The following PCDHA8 variants were observed in gnomAD, a reference collection of about 807,000 sequenced individuals.
PCDHA8 encodes the protein protocadherin alpha 8.
A neutral mutation model predicts 61.8 loss-of-function variants in PCDHA8; 53 were observed. The ratio of observed to expected loss-of-function variants is 0.86; its 90% CI spans 0.69 to 1.08. The LOEUF (loss-of-function observed/expected upper bound fraction) is 1.08, where lower values mean the gene tolerates loss of function less well. Among genes scored for constraint, PCDHA8 ranks in the 50% least tolerant of loss-of-function variants. The pLI is 0.00. For missense variants in PCDHA8, 1,293 were observed against 1,245.0 expected, an observed-to-expected ratio of 1.04 and a Z score of -0.58; for synonymous variants, 618 against 556.6, an observed-to-expected ratio of 1.11 and a Z score of -1.55.
intron 1 of PCDHA8, among the ~76,000 whole-genome samples, chr5:140,913,644 A>T (rs889499847): frequency 3.9e-5 from 6 of 151,920 alleles, no homozygotes; most frequent in Non-Finnish European, 8.8e-5. Flanking sequence ...CTGCTTTTCT[A>T]GTTCTTTAAG....
intron 1 of PCDHA8, among the ~76,000 whole-genome samples, chr5:140,934,420 C>T (rs559621314): frequency 1.1e-4 from 16 of 152,184 alleles, no homozygotes; most frequent in Non-Finnish European, 1.8e-4. Flanking sequence ...TTTGCATTAT[C>T]AATGCAAGTG....
intron 1 of PCDHA8, chr5:140,881,225 T>C (rs1026658425): frequency 9.3e-5 from 25 of 267,532 alleles, no homozygotes; most frequent in Non-Finnish European, 1.4e-4. Context: ...TCTTGGAAAA[T>C]TAAAGTCAAT....
At chr5:141,006,372 C>T (rs781874533) in intron 3 of PCDHA8, among the ~76,000 whole-genome samples, 10 of 151,926 alleles carry the variant, frequency 6.6e-5, no homozygotes, top group Non-Finnish European at 1.0e-4. Context: ...CCACCACGCC[C>T]GGCTAAGTTT....
At chr5:140,998,008 T>C (rs1447849810) in intron 3 of PCDHA8, among the ~76,000 whole-genome samples, 6 of 152,128 alleles carry the variant, frequency 3.9e-5, no homozygotes, top group East Asian at 1.9e-4. Flanking sequence ...GAGCCTTCCA[T>C]CCCCACCTCG....
At chr5:140,968,673 A>G in intron 1 of PCDHA8, 2 of 1,614,168 alleles carry the variant, frequency 1.2e-6, no homozygotes, top group Non-Finnish European at 1.7e-6. Context: ...TTTAAGGTAG[A>G]GCTGCACACA....
chr5:140,875,335 C>T (rs1380813312), intron 1 of PCDHA8: 3 of 1,438,650 alleles, frequency 2.1e-6, no homozygotes, highest in African/African-American at 2.9e-5. Context: ...GGAATAGGAT[C>T]GACTCCATAA....
chr5:140,914,426 A>G (rs1554196349), intron 1 of PCDHA8, among the ~76,000 whole-genome samples: 1 of 152,140 alleles, frequency 6.6e-6, no homozygotes, highest in African/African-American at 2.4e-5. Context: ...TTAGCAAGGA[A>G]TATCTTTTCC....
intron 1 of PCDHA8, chr5:140,882,570 A>G (rs1562776435): frequency 6.2e-7 from 1 of 1,614,240 alleles, no homozygotes. Flanking sequence ...CGGAGCGCGG[A>G]GTGCAGCATC....
chr5:140,891,635 G>A (rs1266162781), intron 1 of PCDHA8, among the ~76,000 whole-genome samples: 3 of 151,868 alleles, frequency 2.0e-5, no homozygotes, highest in African/African-American at 7.3e-5. Context: ...TTTGCTCTTT[G>A]GGCTTTATTG....
chr5:140,845,146 T>C (rs1001510444), intron 1 of PCDHA8, among the ~76,000 whole-genome samples: 2 of 149,652 alleles, frequency 1.3e-5, no homozygotes, highest in African/African-American at 4.9e-5. Context: ...TTTGAACACA[T>C]TGTGTAAAAG....
In PCDHA8 at chr5:140,842,787, T is replaced by G. The variant is rs1554139371; in HGVS notation, c.1466T>G (p.Leu489Arg). ...GACGCGGACGCGCAGGAGAACGCGC[T>G]GGTGTCCTACTCGCTTGTGGAGCGG... ...ARDADAQENALVSYSLVERRV... is the reference protein window; with the variant it reads ...ARDADAQENARVSYSLVERRV... The change falls in exon 1 of 4, where the codon CTG becomes CGG. Residue 489 changes from leucine to arginine, a missense_variant. By Grantham distance (102) the Leu-to-Arg change is moderately radical. Transcript: ENST00000531613. 6.3e-7 allele frequency: 1 copy of G among 1,594,358 alleles called. No homozygotes were observed. The highest frequency in any genetic ancestry group is 1.3e-5 in the African/African-American group (1 of 74,294).
chr5:140,929,285 T>C, intron 1 of PCDHA8: 15 of 1,600,688 alleles, frequency 9.4e-6, no homozygotes, highest in Non-Finnish European at 1.3e-5. Flanking sequence ...TGTATTCAGA[T>C]TCGGAATAGG....
chr5:140,864,404 G>A (rs2048464520), intron 1 of PCDHA8: 1 of 152,228 alleles, frequency 6.6e-6, no homozygotes. Flanking sequence ...GTGATGAGCA[G>A]GGTTGAGGCA....
chr5:140,904,177 AC>A (rs1185990725), intron 1 of PCDHA8, among the ~76,000 whole-genome samples: 1 of 151,302 alleles, frequency 6.6e-6, no homozygotes, highest in Non-Finnish European at 1.5e-5. Flanking sequence ...TTTATTCCTC[AC>A]CCCCTTCCCA....
chr5:140,927,582 G>A lies in PCDHA8; in HGVS notation c.2395-51367G>A, dbSNP rs1554204771. On this transcript the variant is annotated intron_variant, in intron 1 of 3. Transcript: ENST00000531613. ...TTGTGGTGGACACAAATGACAACGCGCCTGTATTTGAGCGCTCCGTATACC... is the reference window on the plus strand; with the variant it reads ...TTGTGGTGGACACAAATGACAACGCACCTGTATTTGAGCGCTCCGTATACC... 3.7e-6 allele frequency: 6 copies of A among 1,614,174 alleles called. No individual in the cohort carries two copies. In the East Asian group the frequency reaches 1.1e-4, roughly 30 times the overall value.
rs1340141507 is a variant in PCDHA8, at chr5:140,939,833, CTTG to C, written c.2395-39108_2395-39106del. 2.6e-5 allele frequency among the ~76,000 whole-genome samples: 4 copies of C among 152,224 alleles called. No individual in the cohort carries two copies. The East Asian group carries it at 7.7e-4, about 29-fold the overall frequency. ...AAGAAAAAGCAGTATTCTGACATTG[CTTG>C]TTGTTGTGTTCTGTATATGTCCATT... On this transcript the variant is annotated intron_variant, in intron 1 of 3. Transcript: ENST00000531613.
chr5:140,968,328 A>AT (rs1554230627), intron 1 of PCDHA8: 1 of 1,614,076 alleles, frequency 6.2e-7, no homozygotes, highest in South Asian at 1.1e-5. Flanking sequence ...GTCACCTCCT[A>AT]TGTCTCCATT....
chr5:140,863,301 C>T lies in PCDHA8; in HGVS notation c.2394+19586C>T, dbSNP rs782465834. ...ATGTCAACGTGTACCTGATCATCGC[C>T]ATCTGCGTGGTGTCCAGCCTGTTAG... On this transcript the variant is annotated intron_variant, in intron 1 of 3. Coordinates refer to ENST00000531613, the MANE Select transcript of PCDHA8 (RefSeq NM_018911.3). The T allele has an allele frequency of 2.7e-6, 4 of 1,463,618 alleles. No homozygotes were observed. In the South Asian group the frequency reaches 4.5e-5, roughly 16 times the overall value. 90.7% of individuals were successfully genotyped at this position (1,463,618 alleles called of 1,614,324 possible).
chr5:140,849,523 T>A (rs2150439737), intron 1 of PCDHA8: 1 of 1,597,506 alleles, frequency 6.3e-7, no homozygotes, highest in African/African-American at 1.3e-5. Flanking sequence ...GTTGTGGATG[T>A]AAATGACAAT....
Sources: gnomAD v4.1 joint callset for allele counts (sites outside exome capture counted in the v4.1 genomes callset) on GRCh38, gnomAD v4.1.1 for gene constraint, MANE v1.5 for transcripts, NCBI Gene and HGNC (gene_info 2026-07-23, HGNC 2026-07-21) for gene names.